Variants in UTP20 observed in about 807,000 individuals in gnomAD.
UTP20 encodes the protein small subunit processome component 20 homolog.
Under a neutral mutation model 329.5 loss-of-function variants are expected in UTP20, and 164 were observed. That is an observed-to-expected ratio of 0.50 (90% CI 0.44 to 0.57). The LOEUF is 0.57. UTP20 is among the 20% of genes least tolerant of loss of function. The probability of loss-of-function intolerance (pLI) is 0.00; values close to 1 mark genes in which losing one functional copy is unlikely to be tolerated. For missense variants in UTP20, 3,055 were observed against 3,284.2 expected (o/e 0.93, Z 1.71); for synonymous variants, 1,151 against 1,159.3 (o/e 0.99, Z 0.14).
chr12:101,312,691 C>T (rs570774521), intron 21 of UTP20, among the ~76,000 whole-genome samples: 70 of 152,328 alleles, frequency 4.6e-4, no homozygotes, highest in African/African-American at 1.3e-3. Context: ...CCACCCACCT[C>T]GGCTTCCCAA....
chr12:101,377,486 A>ACCACCCG (rs1870513837), intron 56 of UTP20, among the ~76,000 whole-genome samples: 1 of 152,040 alleles, frequency 6.6e-6, no homozygotes, highest in Non-Finnish European at 1.5e-5. Context: ...GTGTGCCACC[A>ACCACCCG]TGCCCAGCTA....
chr12:101,358,906 C>T (rs1301237265), intron 43 of UTP20, among the ~76,000 whole-genome samples: 1 of 152,106 alleles, frequency 6.6e-6, no homozygotes, highest in African/African-American at 2.4e-5. Context: ...TACTAATATG[C>T]TGTTTTTCTC....
chr12:101,312,112 T>C lies in UTP20; in HGVS notation c.2388T>C (p.Asp796=). 6.2e-7 allele frequency: 1 copy of C among 1,614,218 alleles called. No individual in the cohort carries two copies. Among genetic ancestry groups the C allele is most frequent in the Non-Finnish European group, 8.5e-7 (1 of 1,180,038 alleles). Residue 796 remains aspartate, a synonymous_variant, in exon 21 of 62, where the codon GAT becomes GAC. Coordinates refer to ENST00000261637, the MANE Select transcript of UTP20 (RefSeq NM_014503.3). Reference sequence around the variant, plus strand: ...GTTGGGAGCAGACCCAGGAAGGAGATGTTGGAGCTCTTTATCATGAGCAGT... The same window carrying C: ...GTTGGGAGCAGACCCAGGAAGGAGACGTTGGAGCTCTTTATCATGAGCAGT... The part of the protein sequence containing the change: ...DESWEQTQEG[D]VGALYHEQLA...
intron 43 of UTP20, among the ~76,000 whole-genome samples, chr12:101,358,039 C>G (rs1347628487): frequency 1.3e-5 from 2 of 152,124 alleles, no homozygotes; most frequent in Non-Finnish European, 2.9e-5. Context: ...TCAAAGAAAA[C>G]AATTTTGGTA....
rs78276622 is a variant in UTP20, at chr12:101,385,912, T to C, written c.8203-56T>C. 1,136 of 1,472,810 alleles carry C rather than the reference T, an allele frequency of 7.7e-4. 21 individuals are homozygous for C. The East Asian group carries it at 0.02, about 26-fold the overall frequency. 91.2% of individuals were successfully genotyped at this position (1,472,810 alleles called of 1,614,324 possible). A position where few individuals can be genotyped will look rare whatever the true frequency, so the allele number is the denominator to read the frequency against. On this transcript the variant is annotated intron_variant, in intron 61 of 61. Coordinates refer to ENST00000261637, the MANE Select transcript of UTP20 (RefSeq NM_014503.3). ...TTACATTTATTTCTGTATTTGATTC[T>C]TATTGGTTTAACATTTACTTTAAAA...
At chr12:101,330,307 A>G (rs1868717387) in intron 27 of UTP20, among the ~76,000 whole-genome samples, 1 of 152,176 alleles carries the variant, frequency 6.6e-6, no homozygotes, top group Non-Finnish European at 1.5e-5. Flanking sequence ...TGGTCTTGAC[A>G]TGTTGTAAGA....
chr12:101,310,948 G>T (rs752725623), intron 19 of UTP20, among the ~76,000 whole-genome samples: 2 of 152,208 alleles, frequency 1.3e-5, no homozygotes, highest in Non-Finnish European at 2.9e-5. Flanking sequence ...TCAGAAGAGA[G>T]AATTTGACAT....
At chr12:101,293,727 C>T (rs963132407) in intron 11 of UTP20, among the ~76,000 whole-genome samples, 1 of 152,138 alleles carries the variant, frequency 6.6e-6, no homozygotes, top group African/African-American at 2.4e-5. Context: ...TCTCAATATT[C>T]TTCCTTTTAG....
chr12:101,367,831 A>C (rs1332325415), intron 47 of UTP20, 29 bp from the exon 48 acceptor site: 2 of 1,487,190 alleles, frequency 1.3e-6, no homozygotes, highest in Admixed American at 3.4e-5. Context: ...TGGGCAACTA[A>C]TGTGAAATAC....
rs1869676312 is a variant in UTP20, at chr12:101,355,115, T to C, written c.5391T>C (p.Ser1797=). 8 of 1,611,982 alleles carry C rather than the reference T, an allele frequency of 5.0e-6. No homozygotes were observed. The African/African-American group carries it at 6.7e-5, about 13-fold the overall frequency. Residue 1797 remains serine, a synonymous_variant, in exon 41 of 62, where the codon TCT becomes TCC. Coordinates refer to ENST00000261637, the MANE Select transcript of UTP20 (RefSeq NM_014503.3). ...ILPRLHKCLA[S]TTKREEEHKL... is the part of the protein sequence containing the mutation. ...CCAGGCTACATAAATGCCTTGCATC[T>C]ACGGTAATAAATTTATTCGGGGTCC...
chr12:101,373,047 G>T (rs1422060980), intron 52 of UTP20, 84 bp downstream of exon 52: 8 of 1,129,708 alleles, frequency 7.1e-6, no homozygotes, highest in Non-Finnish European at 9.4e-6. Flanking sequence ...AAAAGGATGG[G>T]GCCTAAGTAT....
rs764421472 is a variant in UTP20 at position 101,383,267 on chromosome 12, G to A, written c.7883G>A (p.Arg2628Gln). Reference sequence around the variant, plus strand: ...CTGTGGTTGATCCAGAAGCTGTCCCGGATTGCAAAACTGGAAGCTGCTTAT... The same window carrying A: ...CTGTGGTTGATCCAGAAGCTGTCCCAGATTGCAAAACTGGAAGCTGCTTAT... ...TLLWLIQKLS[R>Q]IAKLEAAYSP... is the part of the protein sequence containing the mutation. Residue 2628 changes from arginine (R) to glutamine (Q), a missense_variant, in exon 59 of 62, where the codon CGG becomes CAG. This residue lies in a region of UTP20 where 337 missense variants were observed against 345.5 expected (regional missense o/e 0.98). Transcript: ENST00000261637. 95 of 1,614,026 alleles carry A rather than the reference G, an allele frequency of 5.9e-5. 1 individual carries two copies. In the South Asian group the frequency reaches 7.0e-4, roughly 12 times the overall value.
At chr12:101,332,196 G>T (rs1172453672) in intron 27 of UTP20, among the ~76,000 whole-genome samples, 1 of 152,114 alleles carries the variant, frequency 6.6e-6, no homozygotes, top group African/African-American at 2.4e-5. Flanking sequence ...AATGAACGGG[G>T]CGTGGTGGTG....
At chr12:101,314,438 C>A (rs923557453) in intron 21 of UTP20, among the ~76,000 whole-genome samples, 4 of 151,992 alleles carry the variant, frequency 2.6e-5, no homozygotes, top group African/African-American at 9.7e-5. Context: ...GCTGGTGGAT[C>A]ACAAGGTCAG....
At chr12:101,314,755 G>A (rs1872913647) in intron 21 of UTP20, among the ~76,000 whole-genome samples, 1 of 152,112 alleles carries the variant, frequency 6.6e-6, no homozygotes, top group Non-Finnish European at 1.5e-5. Flanking sequence ...TAGGGATGTA[G>A]GTGGAGGGAA....
chr12:101,338,855 C>T lies in UTP20; in HGVS notation c.3911C>T (p.Pro1304Leu). The T allele has an allele frequency of 6.2e-7, 1 of 1,611,360 alleles. No individual in the cohort carries two copies. Among genetic ancestry groups the T allele is most frequent in the Non-Finnish European group, 8.5e-7 (1 of 1,179,220 alleles). ...IGGRLILPHV[P>L]AILQYLSKTT... ...GGAAGATTAATTCTACCTCATGTAC[C>T]TGCAATTCTTCAGTATCTCAGCAAA... The change falls in exon 31 of 62, where the codon CCT becomes CTT. Residue 1304 changes from proline to leucine, a missense_variant. Physicochemically the swap from Pro to Leu is moderately conservative, Grantham distance 98. Around this residue, in one of 3 missense-constraint regions of UTP20, gnomAD observed 2,445 missense variants for 2,575.5 expected, o/e 0.95. Transcript: ENST00000261637.
At position 101,306,595 on chromosome 12, in the gene UTP20, A is replaced by AT. The variant is rs534803702; in HGVS notation, c.1933-94dup. The AT allele has an allele frequency of 3.4e-3, 3,404 of 1,000,510 alleles. 1 individual carries two copies. The highest frequency in any genetic ancestry group is 4.7e-3 in the Middle Eastern group (20 of 4,226). The allele number at this position is 1,000,510 out of a possible 1,614,324, so 62.0% of individuals were successfully genotyped here. Reference sequence around the variant, plus strand: ...GCACATATTACTCTGGTCAAATGGTATTTTTTTTTTAAATTGTATAAAACT... The same window carrying AT: ...GCACATATTACTCTGGTCAAATGGTATTTTTTTTTTTAAATTGTATAAAACT... On this transcript the variant is annotated intron_variant, in intron 16 of 61. Coordinates refer to ENST00000261637, the MANE Select transcript of UTP20 (RefSeq NM_014503.3).
chr12:101,337,925 T>A (rs1408637775), intron 29 of UTP20, 126 bp from the exon 30 acceptor site: 5 of 858,544 alleles, frequency 5.8e-6, no homozygotes, highest in Non-Finnish European at 8.9e-6. Flanking sequence ...TTTAAACTAA[T>A]TCCCCTTTGA....
At chr12:101,334,769 A>G (rs4609654) in intron 29 of UTP20, among the ~76,000 whole-genome samples, 66,233 of 152,016 alleles carry the variant, frequency 0.44, 17,868 homozygotes, top group East Asian at 0.92. Flanking sequence ...GACCTCAGGA[A>G]TTCGAGACCA....
Sources: gnomAD v4.1 joint callset for allele counts (sites outside exome capture counted in the v4.1 genomes callset) on GRCh38, gnomAD v4.1.1 for gene constraint, gnomAD v4.1.1 regional missense constraint, MANE v1.5 for transcripts, NCBI Gene and HGNC (gene_info 2026-07-23, HGNC 2026-07-21) for gene names.